WFS1: variants seen among roughly 807,000 people sequenced by gnomAD.
The protein encoded by WFS1 is wolframin ER transmembrane glycoprotein.
Under a neutral mutation model 68.5 loss-of-function variants are expected in WFS1, and 90 were observed. That is an observed-to-expected ratio of 1.31 (90% CI 1.11 to 1.56). The LOEUF is 1.56. Among genes scored for constraint, WFS1 ranks in the 40% most tolerant of loss-of-function variants. WFS1 has a pLI of 0.00. For missense variants in WFS1, 1,767 were observed against 1,232.6 expected (o/e 1.43, Z -6.49); for synonymous variants, 860 against 540.7 (o/e 1.59, Z -8.19).
chr4:6,298,112 G>A (rs910237394), intron 7 of WFS1, among the ~76,000 whole-genome samples: 3 of 152,238 alleles, frequency 2.0e-5, no homozygotes, highest in Non-Finnish European at 4.4e-5. Flanking sequence ...CTACCGTGGC[G>A]GTCGTGCGTG....
At chr4:6,291,817 A>C in intron 5 of WFS1, 100 bp from the exon 6 acceptor site, 1 of 1,304,000 alleles carries the variant, frequency 7.7e-7, no homozygotes, top group East Asian at 2.5e-5. Context: ...TGCCCCTGGA[A>C]CTGGCGTGCC....
intron 2 of WFS1, among the ~76,000 whole-genome samples, 175 bp from the exon 3 acceptor site, chr4:6,286,918 A>G (rs1212787336): frequency 1.3e-5 from 2 of 152,218 alleles, no homozygotes; most frequent in East Asian, 3.8e-4. Flanking sequence ...GAAGGCAAAC[A>G]GTGGCTTTCT....
In WFS1 at chr4:6,297,677, G is replaced by A. The variant is rs181613982; in HGVS notation, c.861+2488G>A. On this transcript the variant is annotated intron_variant, in intron 7 of 7. Transcript: ENST00000226760. ...GGTTTCTCGTGGCAGCAGAAGGGCC[G>A]ATCACCACAGGCCCAGACAGAGAGC... Among the ~76,000 whole-genome samples the A allele has an allele frequency of 1.9e-3, 296 of 152,214 alleles. 9 individuals carry two copies. In the South Asian group the frequency reaches 0.048, roughly 24 times the overall value.
intron 1 of WFS1, among the ~76,000 whole-genome samples, chr4:6,271,933 C>T (rs113091646): frequency 0.018 from 2,681 of 152,322 alleles, 79 homozygotes; most frequent in African/African-American, 0.061. Context: ...AGTCACCTCC[C>T]AGCCACCTGC....
At chr4:6,284,003 C>G (rs1462180647) in intron 2 of WFS1, among the ~76,000 whole-genome samples, 1 of 152,016 alleles carries the variant, frequency 6.6e-6, no homozygotes, top group Non-Finnish European at 1.5e-5. Flanking sequence ...ATGGACTGAG[C>G]TAACTGGTCT....
chr4:6,298,170 C>T (rs1376886660), intron 7 of WFS1, among the ~76,000 whole-genome samples: 1 of 152,230 alleles, frequency 6.6e-6, no homozygotes, highest in African/African-American at 2.4e-5. Context: ...AGTTGTCCTG[C>T]TGTTCGCAAG....
Position 6,269,929 on chromosome 4 carries a change from C to A in WFS1, c.-91C>A, listed in dbSNP as rs891619754. On this transcript the variant is annotated 5_prime_UTR_variant, in exon 1 of 8. Transcript: ENST00000226760. ...GCGGCCGCAGATCTCCCGTTTGCGC[C>A]GCGTTCAGCTGCTCCCGAACAACTT... 7.9e-5 allele frequency: 12 copies of A among 152,140 alleles called. No homozygotes were observed. Among genetic ancestry groups the A allele is most frequent in the African/African-American group, 2.9e-4 (12 of 41,438 alleles). The allele number at this position is 152,140 out of a possible 1,614,324, so 9.4% of individuals were successfully genotyped here. A position where few individuals can be genotyped will look rare whatever the true frequency, so the allele number is the denominator to read the frequency against.
At chr4:6,296,130 G>T (rs1730632623) in intron 7 of WFS1, among the ~76,000 whole-genome samples, 1 of 152,226 alleles carries the variant, frequency 6.6e-6, no homozygotes, top group Non-Finnish European at 1.5e-5. Flanking sequence ...CCAGGAGATG[G>T]TTGGGCCACC....
intron 2 of WFS1, 71 bp downstream of exon 2, chr4:6,277,758 A>C: frequency 6.6e-7 from 1 of 1,520,786 alleles, no homozygotes; most frequent in Non-Finnish European, 8.9e-7. Context: ...GGGTTCAGCC[A>C]CCCCTGGAGG....
intron 1 of WFS1, among the ~76,000 whole-genome samples, chr4:6,270,257 T>A (rs945935017): frequency 6.6e-6 from 1 of 150,908 alleles, no homozygotes; most frequent in Admixed American, 6.6e-5. Flanking sequence ...CGCGCCCCGG[T>A]CCCCCGCGCG....
intron 5 of WFS1, 37 bp from the exon 6 acceptor site, chr4:6,291,880 A>G: frequency 6.3e-7 from 1 of 1,587,000 alleles, no homozygotes; most frequent in Non-Finnish European, 8.6e-7. Flanking sequence ...GGAGATAGTC[A>G]ACTTGTCTGA....
rs774905243 is a variant in WFS1, at chr4:6,302,014, C to T, written c.2219C>T (p.Pro740Leu). The change falls in exon 8 of 8, where the codon CCT (proline) becomes CTT (leucine). Residue 740 changes from proline (P) to leucine (L), a missense_variant. Transcript: ENST00000226760. ...WMRCLYGEAY[P>L]ACSPGNTSTA... The stretch of plus-strand genomic sequence containing the variant: ...CGCTGCCTCTACGGCGAGGCCTACC[C>T]TGCCTGCAGCCCTGGCAACACCTCC... The T allele has an allele frequency of 1.2e-6, 2 of 1,612,744 alleles. No individual in the cohort carries two copies. Among genetic ancestry groups the T allele is most frequent in the South Asian group, 2.2e-5 (2 of 91,070 alleles).
Position 6,293,542 on chromosome 4 carries a change from G to A in WFS1, c.713-1499G>A, listed in dbSNP as rs145434129. 7.1e-4 allele frequency among the ~76,000 whole-genome samples: 108 copies of A among 152,150 alleles called. 1 individual carries two copies. Among genetic ancestry groups the A allele is most frequent in the Middle Eastern group, 6.8e-3 (2 of 294 alleles). On this transcript the variant is annotated intron_variant, in intron 6 of 7. Transcript: ENST00000226760. ...GGCCATCAGTGACCCCCCTTGCTCA[G>A]TCACTTCTTGTCCTTGTCTGACTTG...
At position 6,302,313 on chromosome 4, in the gene WFS1, T is replaced by C. The variant is rs1228101578; in HGVS notation, c.2518T>C (p.Phe840Leu). The C allele has an allele frequency of 6.2e-7, 1 of 1,611,342 alleles. No individual in the cohort carries two copies. Among genetic ancestry groups the C allele is most frequent in the East Asian group, 2.2e-5 (1 of 44,842 alleles). The change falls in exon 8 of 8, where the codon TTC becomes CTC. Residue 840 changes from phenylalanine to leucine, a missense_variant. Coordinates refer to ENST00000226760, the MANE Select transcript of WFS1 (RefSeq NM_006005.3). Reference protein sequence around the residue: ...EGRLGSKWPVFELKAISCLNC... With the variant: ...EGRLGSKWPVLELKAISCLNC... ...CCGCCTGGGCAGCAAGTGGCCTGTC[T>C]TCGAGCTCAAGGCCATCAGCTGCCT...
chr4:6,281,945 C>T (rs1255518910), intron 2 of WFS1, among the ~76,000 whole-genome samples: 2 of 152,234 alleles, frequency 1.3e-5, no homozygotes, highest in Non-Finnish European at 2.9e-5. Context: ...AAGCCTCGGA[C>T]GTCACCTCCA....
Position 6,287,909 on chromosome 4 carries a change from C to G in WFS1, c.315+734C>G, listed in dbSNP as rs1046639568. Among the ~76,000 whole-genome samples, 1 of 152,306 alleles carries G rather than the reference C, an allele frequency of 6.6e-6. No homozygotes were observed. Among genetic ancestry groups the G allele is most frequent in the Non-Finnish European group, 1.5e-5 (1 of 68,030 alleles). ...TCCCTAAAGAGGAGAAAAGCTTCCA[C>G]GCGAAACCATAAATTAAGAATTTCT... On this transcript the variant is annotated intron_variant, in intron 3 of 7. Transcript: ENST00000226760. The surrounding 1 kb of genome is among the most constrained non-coding windows in gnomAD (Gnocchi z 6.4).
Position 6,291,251 on chromosome 4 carries a change from T to A in WFS1, c.515T>A (p.Leu172Gln). The stretch of plus-strand genomic sequence containing the variant: ...AGGCAGCTCTCCTCCGAGACCGACC[T>A]GGAGAGGGCCGTGCGCAAGGCAGCC... ...EVRQLSSETD[L>Q]ERAVRKAALV... The change falls in exon 5 of 8, where the codon CTG (leucine) becomes CAG (glutamine). Residue 172 changes from leucine to glutamine, a missense_variant. Transcript: ENST00000226760. The A allele has an allele frequency of 6.2e-7, 1 of 1,611,904 alleles. No individual in the cohort carries two copies. The highest frequency in any genetic ancestry group is 1.1e-5 in the South Asian group (1 of 90,936).
rs202195756 is a variant in WFS1, at chr4:6,301,977, G to A, written c.2182G>A (p.Gly728Ser). 1.9e-5 allele frequency: 31 copies of A among 1,612,700 alleles called. No homozygotes were observed. In the East Asian group the frequency reaches 2.5e-4, roughly 13 times the overall value. Residue 728 changes from glycine (G) to serine (S), a missense_variant, in exon 8 of 8, where the codon GGC becomes AGC. Physicochemically the swap from Gly to Ser is moderately conservative, Grantham distance 56 (BLOSUM62 0). Coordinates refer to ENST00000226760, the MANE Select transcript of WFS1 (RefSeq NM_006005.3). ...SAINMLPFFI[G>S]DWMRCLYGEA... ...CATCAACATGCTCCCGTTCTTCATC[G>A]GCGACTGGATGCGCTGCCTCTACGG...
chr4:6,293,511 C>G (rs73069901), intron 6 of WFS1, among the ~76,000 whole-genome samples: 1 of 115,502 alleles, frequency 8.7e-6, no homozygotes, highest in Non-Finnish European at 1.7e-5. Flanking sequence ...CAAAGCGGCT[C>G]GTCTAGGCCA....
Sources: allele counts gnomAD v4.1 joint callset (sites outside exome capture counted in the v4.1 genomes callset), GRCh38; gene constraint gnomAD v4.1.1; non-coding constraint Gnocchi (gnomAD v3.1); transcripts MANE v1.5; gene names NCBI Gene and HGNC (gene_info 2026-07-23, HGNC 2026-07-21).